KLF8: variants seen among roughly 807,000 people sequenced by gnomAD.
KLF8 encodes the protein Krueppel-like factor 8.
Under a neutral mutation model 18.2 loss-of-function variants are expected in KLF8, and 10 were observed. The observed-to-expected ratio is 0.55, with a 90% CI of 0.34 to 0.93. The LOEUF (loss-of-function observed/expected upper bound fraction) is 0.93. KLF8 is among the 40% of genes least tolerant of loss of function. The pLI is 0.02. For synonymous variants in KLF8, 109 were observed against 97.3 expected, an observed-to-expected ratio of 1.12 and a Z score of -0.71; for missense variants, 264 against 277.9, an observed-to-expected ratio of 0.95 and a Z score of 0.36.
At chrX:56,018,728 G>A in the KLF8 span, among the ~76,000 whole-genome samples, 3 of 111,063 alleles carry the variant, frequency 2.7e-5, no homozygotes, top group Non-Finnish European at 5.7e-5. Flanking sequence ...TGCCATTTTT[G>A]TAGGTAAAAA....
At chrX:56,194,253 G>A in the KLF8 span, among the ~76,000 whole-genome samples, 1 of 111,478 alleles carries the variant, frequency 9.0e-6, no homozygotes, top group Non-Finnish European at 1.9e-5. Flanking sequence ...AGCTGAAGCA[G>A]GGCAGGGCGT....
chrX:56,169,791 CA>C, the KLF8 span, among the ~76,000 whole-genome samples: 1 of 112,040 alleles, frequency 8.9e-6, no homozygotes, highest in African/African-American at 3.2e-5. Flanking sequence ...AGGACACAAG[CA>C]CGGCTGGTTT....
chrX:56,279,846 C>T (rs2067175259), intron 5 of KLF8, among the ~76,000 whole-genome samples: 1 of 111,906 alleles, frequency 8.9e-6, no homozygotes, highest in Non-Finnish European at 1.9e-5. Flanking sequence ...GGTAAAGCCC[C>T]ATAGGATTAG....
chrX:56,279,406 A>G (rs2067167534), intron 5 of KLF8, among the ~76,000 whole-genome samples: 1 of 111,974 alleles, frequency 8.9e-6, no homozygotes, highest in African/African-American at 3.3e-5. Context: ...TAGTGTAACT[A>G]AGGAAGTTTT....
chrX:56,221,814 A>G, the KLF8 span, among the ~76,000 whole-genome samples: 2 of 111,143 alleles, frequency 1.8e-5, no homozygotes, highest in Middle Eastern at 4.6e-3. Flanking sequence ...AAAAGAACAA[A>G]CCTTCCACAG....
At chrX:56,123,625 T>C in the KLF8 span, among the ~76,000 whole-genome samples, 3 of 112,310 alleles carry the variant, frequency 2.7e-5, no homozygotes, top group African/African-American at 9.7e-5. Context: ...TTTCTATATT[T>C]ATTCTCCATA....
chrX:56,235,158 G>T (rs1295668585), intron 1 of KLF8, among the ~76,000 whole-genome samples: 1 of 110,395 alleles, frequency 9.1e-6, no homozygotes, highest in Admixed American at 9.8e-5. Context: ...AGCAAACAGA[G>T]CCTAGTCATT....
At chrX:56,185,525 A>G in the KLF8 span, among the ~76,000 whole-genome samples, 32 of 111,193 alleles carry the variant, frequency 2.9e-4, 1 homozygote, top group Middle Eastern at 0.014. Context: ...TACAGAGAAC[A>G]CCACAAAGAT....
the KLF8 span, among the ~76,000 whole-genome samples, chrX:56,057,626 C>G: frequency 1.8e-5 from 2 of 111,386 alleles, no homozygotes; most frequent in African/African-American, 3.3e-5. Context: ...CTTCTTTGAA[C>G]AAGTGTGACT....
chrX:55,989,936 G>A, the KLF8 span, among the ~76,000 whole-genome samples: 1 of 111,650 alleles, frequency 9.0e-6, no homozygotes, highest in African/African-American at 3.3e-5. Context: ...TCTTGGGGGG[G>A]TGTATGTGTC....
chrX:55,993,862 C>T, the KLF8 span, among the ~76,000 whole-genome samples: 1 of 109,149 alleles, frequency 9.2e-6, no homozygotes, highest in Non-Finnish European at 1.9e-5. Flanking sequence ...AGTATATTCC[C>T]AGAAATTTAC....
chrX:56,023,062 T>C, the KLF8 span, among the ~76,000 whole-genome samples: 1 of 111,446 alleles, frequency 9.0e-6, no homozygotes, highest in Non-Finnish European at 1.9e-5. Context: ...AGTGTGTTAA[T>C]GGGCATGCAA....
the KLF8 span, among the ~76,000 whole-genome samples, chrX:55,997,642 G>T: frequency 9.0e-6 from 1 of 111,332 alleles, no homozygotes; most frequent in South Asian, 3.8e-4. Flanking sequence ...GAGTGTGCTG[G>T]TCTTCTTGTT....
chrX:56,034,748 C>CTTTTTT, the KLF8 span, among the ~76,000 whole-genome samples: 115 of 53,824 alleles, frequency 2.1e-3, no homozygotes, highest in Middle Eastern at 0.022. Flanking sequence ...GAACTTATTT[C>CTTTTTT]TTTTTTTTTT....
chrX:55,964,936 G>A, the KLF8 span, among the ~76,000 whole-genome samples: 2 of 111,231 alleles, frequency 1.8e-5, no homozygotes, highest in Non-Finnish European at 3.8e-5. Context: ...ACCAGAAAAA[G>A]CCTTCCACTG....
chrX:55,917,832 C>T, the KLF8 span, among the ~76,000 whole-genome samples: 1 of 111,842 alleles, frequency 8.9e-6, no homozygotes, highest in African/African-American at 3.3e-5. Flanking sequence ...ATTGCTCCGC[C>T]ACCTTTTCTT....
the KLF8 span, among the ~76,000 whole-genome samples, chrX:56,086,700 G>A: frequency 2.7e-5 from 3 of 111,065 alleles, no homozygotes; most frequent in African/African-American, 9.8e-5. Flanking sequence ...AGTAGAAGTA[G>A]TAGTAGTAGT....
chrX:56,183,069 G>A, the KLF8 span, among the ~76,000 whole-genome samples: 85 of 112,415 alleles, frequency 7.6e-4, no homozygotes, highest in African/African-American at 1.8e-3. Context: ...CCCCCAGAGC[G>A]GGAGTCTACA....
chrX:56,088,347 G>A, the KLF8 span, among the ~76,000 whole-genome samples: 1 of 110,542 alleles, frequency 9.0e-6, no homozygotes, highest in African/African-American at 3.3e-5. Context: ...TTATAAAGGA[G>A]GTGTGAAAAA....
Sources: gnomAD v4.1 joint callset for allele counts (sites outside exome capture counted in the v4.1 genomes callset) on GRCh38, gnomAD v4.1.1 for gene constraint, MANE v1.5 for transcripts, NCBI Gene and HGNC (gene_info 2026-07-23, HGNC 2026-07-21) for gene names.